THSD7A: variants seen among roughly 807,000 people sequenced by gnomAD.
THSD7A encodes the protein thrombospondin type-1 domain-containing protein 7A.
THSD7A carries 96 observed loss-of-function variants against 231.3 expected under a neutral mutation model. The ratio of observed to expected loss-of-function variants is 0.41; its 90% CI spans 0.35 to 0.49. The LOEUF (loss-of-function observed/expected upper bound fraction) is 0.49. Among genes scored for constraint, THSD7A ranks in the 20% least tolerant of loss-of-function variants. The pLI, the probability that THSD7A is intolerant of heterozygous loss-of-function variation, is 0.05. For synonymous variants in THSD7A, 940 were observed against 743.3 expected (o/e 1.26, Z -4.30); for missense variants, 2,290 against 2,070.2 (o/e 1.11, Z -2.06).
At chr7:11,718,566 A>G (rs1781225307) in intron 1 of THSD7A, among the ~76,000 whole-genome samples, 1 of 151,710 alleles carries the variant, frequency 6.6e-6, no homozygotes, top group Non-Finnish European at 1.5e-5. Context: ...TACAATTGTC[A>G]TAATTATCTA....
rs550567624 is a variant in THSD7A at position 11,802,603 on chromosome 7, A to G, written c.190+29154T>C. Among the ~76,000 whole-genome samples, 4 of 152,262 alleles carry G rather than the reference A, an allele frequency of 2.6e-5. No individual in the cohort carries two copies. In the South Asian group the frequency reaches 8.3e-4, roughly 32 times the overall value. On this transcript the variant is annotated intron_variant, in intron 1 of 27. Transcript: ENST00000423059. ...AAGAGTGGGCCAGAAAATAAGTTAT[A>G]TATTCTGGTTCTGCTCTTTCTAATC...
At chr7:11,510,350 G>C (rs192030069) in intron 6 of THSD7A, among the ~76,000 whole-genome samples, 2 of 152,302 alleles carry the variant, frequency 1.3e-5, no homozygotes, top group South Asian at 4.1e-4. Flanking sequence ...GATGTACAAA[G>C]AGGAGCTGGT....
At chr7:11,599,889 A>G (rs1028536725) in intron 2 of THSD7A, among the ~76,000 whole-genome samples, 1 of 151,994 alleles carries the variant, frequency 6.6e-6, no homozygotes, top group Non-Finnish European at 1.5e-5. Flanking sequence ...GCACCATCTA[A>G]TCAGCTGCCA....
In THSD7A at chr7:11,552,747, G is replaced by A. The variant is rs146439277; in HGVS notation, c.1454-9630C>T. Among the ~76,000 whole-genome samples the A allele has an allele frequency of 1.7e-3, 253 of 152,180 alleles. 2 individuals carry two copies. Among genetic ancestry groups the A allele is most frequent in the African/African-American group, 5.4e-3 (223 of 41,534 alleles). On this transcript the variant is annotated intron_variant, in intron 4 of 27. Transcript: ENST00000423059. ...TCCCTTGTCTTTATGAGCCACATAC[G>A]TGTACAGTAAGGAACAGACAAGATG...
At chr7:11,645,932 T>C (rs964277923) in intron 1 of THSD7A, among the ~76,000 whole-genome samples, 3 of 151,930 alleles carry the variant, frequency 2.0e-5, no homozygotes, top group Admixed American at 1.3e-4. Flanking sequence ...AAAGTAGTTA[T>C]ATAAACTGTA....
chr7:11,693,113 T>C (rs1014287450), intron 1 of THSD7A, among the ~76,000 whole-genome samples: 2 of 151,558 alleles, frequency 1.3e-5, no homozygotes, highest in Admixed American at 6.6e-5. Context: ...GAATATAAAC[T>C]TGTCCCTAAA....
At chr7:11,620,433 C>G (rs915567633) in intron 2 of THSD7A, among the ~76,000 whole-genome samples, 7 of 151,974 alleles carry the variant, frequency 4.6e-5, no homozygotes, top group African/African-American at 1.7e-4. Flanking sequence ...GAGGGGATTA[C>G]AAGTATAAAG....
At chr7:11,780,748 G>GT (rs1783597133) in intron 1 of THSD7A, among the ~76,000 whole-genome samples, 2 of 152,076 alleles carry the variant, frequency 1.3e-5, no homozygotes, top group Non-Finnish European at 1.5e-5. Context: ...TTTAGAGTAT[G>GT]TTTTTTTAGA....
intron 6 of THSD7A, among the ~76,000 whole-genome samples, chr7:11,494,692 A>G (rs2189311): frequency 0.69 from 105,442 of 151,724 alleles, 36,652 homozygotes; most frequent in Admixed American, 0.74. Context: ...CGAAGTTACC[A>G]GCTATTTAGT....
chr7:11,645,234 T>G (rs1782235184), intron 1 of THSD7A, among the ~76,000 whole-genome samples: 2 of 151,874 alleles, frequency 1.3e-5, no homozygotes, highest in African/African-American at 4.8e-5. Flanking sequence ...ATTTATTTAA[T>G]TGGTTTCTAT....
At chr7:11,813,217 G>T (rs1784581493) in intron 1 of THSD7A, among the ~76,000 whole-genome samples, 1 of 152,016 alleles carries the variant, frequency 6.6e-6, no homozygotes, top group Non-Finnish European at 1.5e-5. Context: ...TTAAAAACTT[G>T]TTGGCATCCT....
At chr7:11,405,646 C>T (rs1783557427) in intron 22 of THSD7A, among the ~76,000 whole-genome samples, 1 of 152,078 alleles carries the variant, frequency 6.6e-6, no homozygotes, top group Admixed American at 6.5e-5. Flanking sequence ...CCATTTTTTC[C>T]ATACTATTTG....
intron 1 of THSD7A, among the ~76,000 whole-genome samples, chr7:11,665,607 T>C (rs964777660): frequency 3.3e-5 from 5 of 152,116 alleles, no homozygotes; most frequent in Non-Finnish European, 5.9e-5. Context: ...CCTTTTGTAA[T>C]CTTTAGTTGT....
intron 1 of THSD7A, among the ~76,000 whole-genome samples, chr7:11,710,449 A>G (rs1364474817): frequency 6.6e-6 from 1 of 150,926 alleles, no homozygotes; most frequent in East Asian, 2.0e-4. Flanking sequence ...GTAGCAAGAG[A>G]TAATATAAAT....
At chr7:11,759,490 G>T (rs957304142) in intron 1 of THSD7A, among the ~76,000 whole-genome samples, 1 of 151,922 alleles carries the variant, frequency 6.6e-6, no homozygotes, top group African/African-American at 2.4e-5. Context: ...AGAGTGAGAA[G>T]ATCTAACATA....
intron 1 of THSD7A, among the ~76,000 whole-genome samples, chr7:11,736,336 T>G (rs1241467869): frequency 6.6e-6 from 1 of 151,868 alleles, no homozygotes; most frequent in Non-Finnish European, 1.5e-5. Flanking sequence ...GACTCACACA[T>G]GGTAGTCCCA....
intron 1 of THSD7A, among the ~76,000 whole-genome samples, chr7:11,662,395 A>G (rs1212389230): frequency 6.6e-6 from 1 of 151,366 alleles, no homozygotes; most frequent in Non-Finnish European, 1.5e-5. Flanking sequence ...ATAACATCTG[A>G]TCTCAAACGT....
At chr7:11,559,350 A>G (rs536729472) in intron 4 of THSD7A, among the ~76,000 whole-genome samples, 1 of 152,304 alleles carries the variant, frequency 6.6e-6, no homozygotes, top group South Asian at 2.1e-4. Context: ...ACACACAGTT[A>G]TAAATAATTG....
In THSD7A at chr7:11,832,123, T is replaced by G; in HGVS notation, c.-177A>C. ...CACCAGGGAACAATAGCGTCCGCGG[T>G]GGTGGCCGTGGCCGCTGCCGCCGCC... is the stretch of plus-strand genomic sequence containing the variant. On this transcript the variant is annotated 5_prime_UTR_variant, in exon 1 of 28. Transcript: ENST00000423059. 110 of 332,918 alleles carry G rather than the reference T, an allele frequency of 3.3e-4. No individual in the cohort carries two copies. The highest frequency in any genetic ancestry group is 9.1e-4 in the Middle Eastern group (1 of 1,098). 20.6% of individuals were successfully genotyped at this position (332,918 alleles called of 1,614,324 possible). A position where few individuals can be genotyped will look rare whatever the true frequency, so the allele number is the denominator to read the frequency against.
Sources: gnomAD v4.1 joint callset for allele counts (sites outside exome capture counted in the v4.1 genomes callset) on GRCh38, gnomAD v4.1.1 for gene constraint, MANE v1.5 for transcripts, NCBI Gene and HGNC (gene_info 2026-07-23, HGNC 2026-07-21) for gene names.